RELN: variants seen among roughly 807,000 people sequenced by gnomAD.
RELN encodes reelin.
A neutral mutation model predicts 427.6 loss-of-function variants in RELN; 108 were observed. The observed-to-expected ratio is 0.25, with a 90% confidence interval of 0.22 to 0.30. RELN has a LOEUF of 0.30. RELN is among the 10% of genes least tolerant of loss of function. The probability of loss-of-function intolerance (pLI) is 1.00; values close to 1 mark genes in which losing one functional copy is unlikely to be tolerated. For missense variants in RELN, 3,715 were observed against 4,302.8 expected (o/e 0.86, Z 3.82); for synonymous variants, 1,524 against 1,513.4 (o/e 1.01, Z -0.16).
chr7:103,648,137 C>A (rs1832835601), intron 16 of RELN, among the ~76,000 whole-genome samples: 1 of 151,860 alleles, frequency 6.6e-6, no homozygotes, highest in Non-Finnish European at 1.5e-5. Flanking sequence ...GTGTCCCTGC[C>A]CAAATCTCAT....
In RELN at chr7:103,857,596, T is replaced by C. The variant is rs898154948; in HGVS notation, c.338-23924A>G. On this transcript the variant is annotated intron_variant, in intron 2 of 64. Transcript: ENST00000428762. ...AATTTGCAGTGTTGCCCCCAGAGGC[T>C]GAGTATGAATCTGCCTGCATATGGT... 2.0e-5 allele frequency among the ~76,000 whole-genome samples: 3 copies of C among 152,206 alleles called. No individual in the cohort carries two copies. In the East Asian group the frequency reaches 5.8e-4, roughly 29 times the overall value.
rs1832419655 is a variant in RELN at position 103,630,149 on chromosome 7, A to C, written c.2493T>G (p.Asp831Glu). The change falls in exon 20 of 65, where the codon GAT (aspartate) becomes GAG (glutamate). Residue 831 changes from aspartate to glutamate, a missense_variant. Around this residue, in one of 4 missense-constraint regions of RELN, gnomAD observed 2,208 missense variants for 2,361.7 expected, o/e 0.93. Transcript: ENST00000428762. ...TGAACTGAATTCCAAACTGCTTTGCATCACCTGGTAGTTCTACGGAGATTA... is the reference window on the plus strand; with the variant it reads ...TGAACTGAATTCCAAACTGCTTTGCCTCACCTGGTAGTTCTACGGAGATTA... ...PRIISVELPG[D>E]AKQFGIQFRW... 2 of 1,612,842 alleles carry C rather than the reference A, an allele frequency of 1.2e-6. No homozygotes were observed. The highest frequency in any genetic ancestry group is 1.7e-6 in the Non-Finnish European group (2 of 1,179,082).
intron 2 of RELN, among the ~76,000 whole-genome samples, chr7:103,891,077 G>T (rs991573622): frequency 1.3e-5 from 2 of 152,010 alleles, no homozygotes; most frequent in Admixed American, 6.6e-5. Flanking sequence ...GCAAGACTCT[G>T]TCTCAAAAAA....
chr7:103,634,120 A>C (rs3808024), intron 19 of RELN, among the ~76,000 whole-genome samples: 113,119 of 151,956 alleles, frequency 0.74, 42,753 homozygotes, highest in African/African-American at 0.87. Context: ...CAGTTCTAGG[A>C]AAAACTGTAA....
At position 103,569,024 on chromosome 7, in the gene RELN, G is replaced by A. The variant is rs1338982797; in HGVS notation, c.4589-2265C>T. On this transcript the variant is annotated intron_variant, in intron 31 of 64. Transcript: ENST00000428762. The surrounding 1 kb of genome is among the most constrained non-coding windows in gnomAD (Gnocchi z 4.0). ...GAGCTTAATTCTTCCCCCTTTGAGT[G>A]TGGATAGTTTTAGTAACTTGCTTCT... Among the ~76,000 whole-genome samples, 1 of 152,194 alleles carries A rather than the reference G, an allele frequency of 6.6e-6. No individual in the cohort carries two copies. Among genetic ancestry groups the A allele is most frequent in the Non-Finnish European group, 1.5e-5 (1 of 68,034 alleles).
intron 17 of RELN, among the ~76,000 whole-genome samples, chr7:103,637,053 A>G (rs1247075875): frequency 1.3e-5 from 2 of 152,178 alleles, no homozygotes; most frequent in African/African-American, 4.8e-5. Context: ...AATTAGTGGC[A>G]CTTCAAGAAA....
intron 2 of RELN, among the ~76,000 whole-genome samples, chr7:103,847,762 A>G (rs1793716132): frequency 6.6e-6 from 1 of 152,112 alleles, no homozygotes; most frequent in Non-Finnish European, 1.5e-5. Flanking sequence ...GCTTGTATTT[A>G]TATCTCTAAA....
rs1204060857 is a variant in RELN, at chr7:103,489,692, G to A, written c.9763+50C>T. The A allele has an allele frequency of 5.0e-6, 8 of 1,602,054 alleles. No homozygotes were observed. The East Asian group carries it at 1.6e-4, about 32-fold the overall frequency. On this transcript the variant is annotated intron_variant, in intron 60 of 64. Coordinates refer to ENST00000428762, the MANE Select transcript of RELN (RefSeq NM_005045.4). ...GACTTTTGTATATATGTTAAGATGA[G>A]GAGAACCTCTTGGTCTCCTCTATCA...
At chr7:103,916,467 G>T (rs1795484278) in intron 2 of RELN, among the ~76,000 whole-genome samples, 2 of 152,080 alleles carry the variant, frequency 1.3e-5, no homozygotes. Context: ...ACAGCATTAT[G>T]GGTAAACTAG....
chr7:103,757,761 T>C (rs139085303), intron 4 of RELN, among the ~76,000 whole-genome samples: 1 of 152,230 alleles, frequency 6.6e-6, no homozygotes, highest in East Asian at 1.9e-4. Context: ...ACCCTGCTAC[T>C]TGTCAGAGGA....
At position 103,800,527 on chromosome 7, in the gene RELN, A is replaced by G. The variant is rs546317855; in HGVS notation, c.474-23900T>C. Among the ~76,000 whole-genome samples, 327 of 152,346 alleles carry G rather than the reference A, an allele frequency of 2.1e-3. 2 individuals carry two copies. Among genetic ancestry groups the G allele is most frequent in the African/African-American group, 7.5e-3 (312 of 41,584 alleles). ...GGTGCTGGGAAAACTGGCTAGTCAT[A>G]TATAGAAAGCTGAAACTGGATCCCT... is the stretch of plus-strand genomic sequence containing the variant. On this transcript the variant is annotated intron_variant, in intron 3 of 64. Coordinates refer to ENST00000428762, the MANE Select transcript of RELN (RefSeq NM_005045.4).
At position 103,610,401 on chromosome 7, in the gene RELN, C is replaced by G. The variant is rs534373998; in HGVS notation, c.3008+294G>C. Among the ~76,000 whole-genome samples the G allele has an allele frequency of 2.4e-3, 370 of 152,218 alleles. 1 individual carries two copies. The highest frequency in any genetic ancestry group is 8.6e-3 in the African/African-American group (359 of 41,538). The stretch of plus-strand genomic sequence containing the variant: ...TGTATGTCAAACTGAAAGTAACCGA[C>G]TCATTGAGTTCTCCCATAAAAAGAA... On this transcript the variant is annotated intron_variant, in intron 22 of 64. Transcript: ENST00000428762.
rs374399966 is a variant in RELN at position 103,788,051 on chromosome 7, ATCC to A, written c.474-11427_474-11425del. On this transcript the variant is annotated intron_variant, in intron 3 of 64. Coordinates refer to ENST00000428762, the MANE Select transcript of RELN (RefSeq NM_005045.4). The stretch of plus-strand genomic sequence containing the variant: ...CAACATATCCAAATCAATAAACGTA[ATCC>A]ATCACATAAACAGAACGAACCAATG... 1.4e-3 allele frequency among the ~76,000 whole-genome samples: 206 copies of A among 152,308 alleles called. 1 individual carries two copies. The highest frequency in any genetic ancestry group is 4.8e-3 in the African/African-American group (199 of 41,558).
chr7:103,607,702 C>T (rs1238831228), intron 22 of RELN, among the ~76,000 whole-genome samples: 1 of 152,166 alleles, frequency 6.6e-6, no homozygotes, highest in Admixed American at 6.5e-5. Flanking sequence ...ATCATCTCTT[C>T]ATAGTTATGT....
At chr7:103,720,951 GCTA>G (rs150476147) in intron 8 of RELN, among the ~76,000 whole-genome samples, 2 of 152,252 alleles carry the variant, frequency 1.3e-5, no homozygotes, top group African/African-American at 4.8e-5. Flanking sequence ...CAGATGGTTT[GCTA>G]CTACATTGTT....
intron 8 of RELN, among the ~76,000 whole-genome samples, chr7:103,709,044 A>G (rs1251739069): frequency 6.6e-6 from 1 of 152,202 alleles, no homozygotes; most frequent in Non-Finnish European, 1.5e-5. Context: ...CTCAATGAAC[A>G]CTTGAATGAA....
intron 51 of RELN, among the ~76,000 whole-genome samples, chr7:103,509,965 C>A (rs566495164): frequency 6.6e-6 from 1 of 152,062 alleles, no homozygotes; most frequent in South Asian, 2.1e-4. Flanking sequence ...GTTAGAATGG[C>A]GATCATTAAA....
chr7:103,746,709 A>G (rs199542697), intron 6 of RELN, among the ~76,000 whole-genome samples: 33,230 of 150,366 alleles, frequency 0.22, 5,015 homozygotes, highest in African/African-American at 0.43. Context: ...CAAAACCACA[A>G]TGAGATACCA....
intron 24 of RELN, among the ~76,000 whole-genome samples, chr7:103,600,123 C>T (rs533995452): frequency 5.3e-5 from 8 of 152,208 alleles, no homozygotes; most frequent in African/African-American, 1.9e-4. Context: ...CTCTTAAACT[C>T]CTAGCCTCAA....
Sources: allele counts gnomAD v4.1 joint callset (sites outside exome capture counted in the v4.1 genomes callset), GRCh38; gene constraint gnomAD v4.1.1; regional missense constraint gnomAD v4.1.1; non-coding constraint Gnocchi (gnomAD v3.1); transcripts MANE v1.5; gene names NCBI Gene and HGNC (gene_info 2026-07-23, HGNC 2026-07-21).